TEDC2: variants seen among roughly 807,000 people sequenced by gnomAD.
The protein encoded by TEDC2 is tubulin epsilon and delta complex 2, also known as tubulin epsilon and delta complex protein 2.
In TEDC2, 49 loss-of-function variants were observed where a neutral mutation model predicts 48.1. The ratio of observed to expected loss-of-function variants is 1.02; its 90% CI spans 0.81 to 1.29. The LOEUF (loss-of-function observed/expected upper bound fraction) is 1.29. Among genes scored for constraint, TEDC2 ranks in the 50% most tolerant of loss-of-function variants. The pLI is 0.00. For synonymous variants in TEDC2, 299 were observed against 247.1 expected (o/e 1.21, Z -1.97); for missense variants, 631 against 571.4 (o/e 1.10, Z -1.06).
Position 2,460,847 on chromosome 16 carries a change from G to A in TEDC2, c.228G>A (p.Glu76=), listed in dbSNP as rs749324591. 1.2e-6 allele frequency: 2 copies of A among 1,613,108 alleles called. No individual in the cohort carries two copies. Among genetic ancestry groups the A allele is most frequent in the Admixed American group, 1.7e-5 (1 of 60,002 alleles). Residue 76 remains glutamate, a synonymous_variant, in exon 4 of 10, where the codon GAG becomes GAA. Transcript: ENST00000361837. ...CACCCAGTCCACAAGACCTCAAAGAGTTGGAGTTTCTGACCCAGGCACTGG... is the reference window on the plus strand; with the variant it reads ...CACCCAGTCCACAAGACCTCAAAGAATTGGAGTTTCTGACCCAGGCACTGG... ...ACTPSPQDLK[E]LEFLTQALEK...
rs181260052 is a variant in TEDC2, at chr16:2,460,886, A to C, written c.267A>C (p.Arg89=). ...FLTQALEKAV[R]VRRGITKAGE... ...CCCAGGCACTGGAGAAGGCTGTACG[A>C]GTTCGAAGAGGCATCACTAAGGCCG... The change falls in exon 4 of 10, where the codon CGA becomes CGC. Residue 89 remains arginine (R), a synonymous_variant. Transcript: ENST00000361837. The C allele has an allele frequency of 2.5e-6, 4 of 1,613,592 alleles. No homozygotes were observed. In the Admixed American group the frequency reaches 6.7e-5, roughly 27 times the overall value.
rs542969251 is a variant in TEDC2 at position 2,464,614 on chromosome 16, C to T, written c.1248C>T (p.Leu416=). The T allele has an allele frequency of 5.0e-6, 8 of 1,612,400 alleles. No homozygotes were observed. The African/African-American group carries it at 8.0e-5, about 16-fold the overall frequency. ...TGTGCCGGGCTGTGCACAGCCTGCT[C>T]TGCGAGGGAGGAGCACGTGTCCTTA... ...LALCRAVHSL[L]CEGGARVLTI... The change falls in exon 10 of 10, where the codon CTC becomes CTT. Residue 416 remains leucine (L), a synonymous_variant. Coordinates refer to ENST00000361837, the MANE Select transcript of TEDC2 (RefSeq NM_025108.3).
intron 8 of TEDC2, among the ~76,000 whole-genome samples, chr16:2,462,951 CT>C (rs913005581): frequency 2.2e-4 from 33 of 152,226 alleles, no homozygotes; most frequent in African/African-American, 7.5e-4. Context: ...CTCAGGGCAG[CT>C]CTCCCACCTC....
Position 2,462,436 on chromosome 16 carries a change from C to G in TEDC2, c.772C>G (p.Leu258Val), listed in dbSNP as rs964799977. The change falls in exon 7 of 10, where the codon CTC becomes GTC. Residue 258 changes from leucine (L) to valine (V), a missense_variant. By Grantham distance (32) the Leu-to-Val change is conservative. Coordinates refer to ENST00000361837, the MANE Select transcript of TEDC2 (RefSeq NM_025108.3). ...QTASGGPQPR[L>V]SAVEVEAEAG... ...CCAGTCAGGCGGGCCCCAGCCCAGG[C>G]TCAGTGCTGTGGAGGTGGAGGCGGA... The G allele has an allele frequency of 6.2e-6, 10 of 1,612,048 alleles. No individual in the cohort carries two copies. Among genetic ancestry groups the G allele is most frequent in the Non-Finnish European group, 8.5e-6 (10 of 1,179,792 alleles).
intron 8 of TEDC2, among the ~76,000 whole-genome samples, chr16:2,463,687 TG>T (rs1393320809): frequency 6.6e-6 from 1 of 152,002 alleles, no homozygotes; most frequent in Non-Finnish European, 1.5e-5. Flanking sequence ...GTGACTCGCC[TG>T]GGATTGCGTG....
At chr16:2,462,363 G>T in intron 6 of TEDC2, 52 bp from the exon 7 acceptor site, 1 of 1,607,116 alleles carries the variant, frequency 6.2e-7, no homozygotes, top group African/African-American at 1.3e-5. Flanking sequence ...CCCGTTCTTG[G>T]TGGGAGCAGA....
At position 2,462,458 on chromosome 16, in the gene TEDC2, C is replaced by T. The variant is rs936354535; in HGVS notation, c.794C>T (p.Ala265Val). 1.3e-5 allele frequency: 21 copies of T among 1,610,944 alleles called. No individual in the cohort carries two copies. Among genetic ancestry groups the T allele is most frequent in the African/African-American group, 1.3e-5 (1 of 74,834 alleles). ...QPRLSAVEVE[A>V]EAGRLRKACS... is the part of the protein sequence containing the mutation. ...AGGCTCAGTGCTGTGGAGGTGGAGG[C>T]GGAGGCGGGGCGCCTGCGGAAGGCC... The change falls in exon 7 of 10, where the codon GCG becomes GTG. Residue 265 changes from alanine (A) to valine (V), a missense_variant. Coordinates refer to ENST00000361837, the MANE Select transcript of TEDC2 (RefSeq NM_025108.3).
chr16:2,463,018 T>A (rs1241367465), intron 8 of TEDC2, among the ~76,000 whole-genome samples: 1 of 152,232 alleles, frequency 6.6e-6, no homozygotes, highest in East Asian at 1.9e-4. Flanking sequence ...TTCACCCAGT[T>A]GTTGAAAAAC....
At position 2,462,675 on chromosome 16, in the gene TEDC2, G is replaced by C; in HGVS notation, c.907G>C (p.Glu303Gln). Reference sequence around the variant, plus strand: ...GGAGTACCGCTGCCTGCTCACGCTGGAGGGGCTGCAGGCCATGGTGGGCCA... The same window carrying C: ...GGAGTACCGCTGCCTGCTCACGCTGCAGGGGCTGCAGGCCATGGTGGGCCA... ...MQEYRCLLTL[E>Q]GLQAMVGQCL... is the part of the protein sequence containing the mutation. Residue 303 changes from glutamate to glutamine, a missense_variant, in exon 8 of 10, where the codon GAG becomes CAG. Physicochemically the swap from Glu to Gln is conservative, Grantham distance 29 (BLOSUM62 2). Coordinates refer to ENST00000361837, the MANE Select transcript of TEDC2 (RefSeq NM_025108.3). 6.5e-7 allele frequency: 1 copy of C among 1,547,046 alleles called. No homozygotes were observed. Among genetic ancestry groups the C allele is most frequent in the Middle Eastern group, 1.9e-4 (1 of 5,180 alleles).
At position 2,460,885 on chromosome 16, in the gene TEDC2, G is replaced by A. The variant is rs760948797; in HGVS notation, c.266G>A (p.Arg89Gln). Residue 89 changes from arginine to glutamine, a missense_variant, in exon 4 of 10, where the codon CGA becomes CAA. By Grantham distance (43) the Arg-to-Gln change is conservative. Coordinates refer to ENST00000361837, the MANE Select transcript of TEDC2 (RefSeq NM_025108.3). ...FLTQALEKAV[R>Q]VRRGITKAGE... ...ACCCAGGCACTGGAGAAGGCTGTAC[G>A]AGTTCGAAGAGGCATCACTAAGGCC... 4 of 1,613,472 alleles carry A rather than the reference G, an allele frequency of 2.5e-6. No homozygotes were observed. Among genetic ancestry groups the A allele is most frequent in the African/African-American group, 1.3e-5 (1 of 74,932 alleles).
At chr16:2,462,386 G>T (rs1567395704) in intron 6 of TEDC2, 29 bp from the exon 7 acceptor site, 3 of 1,610,468 alleles carry the variant, frequency 1.9e-6, no homozygotes, top group African/African-American at 2.7e-5. Flanking sequence ...GGCTTTGGCT[G>T]CAGGGAAGTT....
In TEDC2 at chr16:2,461,124, G is replaced by C. The variant is rs201132230; in HGVS notation, c.505G>C (p.Gly169Arg). ...GGGGGATGGGACCCGTGTTGGGATG[G>C]GAGCCCGAACCCCCAGGCCTGGGGC... is the stretch of plus-strand genomic sequence containing the variant. ...SVGDGTRVGM[G>R]ARTPRPGAGL... is the part of the protein sequence containing the mutation. Residue 169 changes from glycine (G) to arginine (R), a missense_variant, in exon 4 of 10, where the codon GGA becomes CGA. By Grantham distance (125) the Gly-to-Arg change is moderately radical. Transcript: ENST00000361837. 109 of 1,568,184 alleles carry C rather than the reference G, an allele frequency of 7.0e-5. 1 individual carries two copies. In the African/African-American group the frequency reaches 1.4e-3, roughly 20 times the overall value.
At position 2,464,031 on chromosome 16, in the gene TEDC2, G is replaced by A; in HGVS notation, c.965-8G>A. 1 of 1,610,566 alleles carries A rather than the reference G, an allele frequency of 6.2e-7. No individual in the cohort carries two copies. The highest frequency in any genetic ancestry group is 8.5e-7 in the Non-Finnish European group (1 of 1,178,332). ...TACCCCAAAGGCCACATTCTCCTGTGCACACAGCGGTGGCGGAACAGCCAC... is the reference window on the plus strand; with the variant it reads ...TACCCCAAAGGCCACATTCTCCTGTACACACAGCGGTGGCGGAACAGCCAC... On this transcript the variant is annotated splice_region_variant and splice_polypyrimidine_tract_variant and intron_variant, in intron 8 of 9. Transcript: ENST00000361837.
chr16:2,462,753 T>C lies in TEDC2; in HGVS notation c.964+21T>C, dbSNP rs1429845182. On this transcript the variant is annotated intron_variant, in intron 8 of 9. Coordinates refer to ENST00000361837, the MANE Select transcript of TEDC2 (RefSeq NM_025108.3). ...TGCAGGTGAGACCCCGCCCCCACCC[T>C]GCCACCTGCACTGAGGTCTGGGCCG... 3.3e-6 allele frequency: 5 copies of C among 1,524,286 alleles called. No individual in the cohort carries two copies. In the Admixed American group the frequency reaches 1.0e-4, roughly 31 times the overall value. 94.4% of individuals were successfully genotyped at this position (1,524,286 alleles called of 1,614,324 possible). A position where few individuals can be genotyped will look rare whatever the true frequency, so the allele number is the denominator to read the frequency against.
At position 2,461,084 on chromosome 16, in the gene TEDC2, CCGGCTG is replaced by C; in HGVS notation, c.467_472del (p.Arg156_Leu157del). 9 of 1,594,848 alleles carry C rather than the reference CCGGCTG, an allele frequency of 5.6e-6. No individual in the cohort carries two copies. The highest frequency in any genetic ancestry group is 7.7e-6 in the Non-Finnish European group (9 of 1,167,956). On this transcript the variant is annotated inframe_deletion, in exon 4 of 10. Coordinates refer to ENST00000361837, the MANE Select transcript of TEDC2 (RefSeq NM_025108.3). ...TGCCTGCCAAGGGCCACCCTGAGCG[CCGGCTG>C]CTGTCAGTGGGGGATGGGACCCGTG...
intron 8 of TEDC2, among the ~76,000 whole-genome samples, chr16:2,463,302 C>CA (rs2065479212): frequency 6.7e-6 from 1 of 148,786 alleles, no homozygotes; most frequent in Non-Finnish European, 1.5e-5. Flanking sequence ...GCCTGGGCGA[C>CA]AGAGTGAGAT....
intron 6 of TEDC2, 26 bp from the exon 7 acceptor site, chr16:2,462,389 G>A: frequency 6.8e-6 from 11 of 1,611,230 alleles, no homozygotes; most frequent in Non-Finnish European, 9.3e-6. Flanking sequence ...TTTGGCTGCA[G>A]GGAAGTTTTC....
chr16:2,460,343 G>A lies in TEDC2; in HGVS notation c.87G>A (p.Glu29=), dbSNP rs1300688286. 14 of 1,543,908 alleles carry A rather than the reference G, an allele frequency of 9.1e-6. No individual in the cohort carries two copies. The East Asian group carries it at 3.0e-4, about 33-fold the overall frequency. ...DACAQRQLQL[E]QSLRVCRRLL... ...GCGCACAGCGACAATTGCAATTGGA[G>A]CAGAGCCTGCGCGTTTGCCGTCGGC... The change falls in exon 2 of 10, where the codon GAG becomes GAA. Residue 29 remains glutamate, a synonymous_variant. Transcript: ENST00000361837.
At chr16:2,460,415 C>T (rs1596937961) in intron 2 of TEDC2, 34 bp downstream of exon 2, 2 of 1,541,754 alleles carry the variant, frequency 1.3e-6, no homozygotes, top group Non-Finnish European at 8.7e-7. Flanking sequence ...GCCAGACCTC[C>T]CTCGGGCCCT....
Sources: allele counts gnomAD v4.1 joint callset (sites outside exome capture counted in the v4.1 genomes callset), GRCh38; gene constraint gnomAD v4.1.1; transcripts MANE v1.5; gene names NCBI Gene and HGNC (gene_info 2026-07-23, HGNC 2026-07-21).